Variants in TTBK2 observed in about 807,000 individuals in gnomAD.
TTBK2 encodes the protein tau tubulin kinase 2, also known as tau-tubulin kinase 2.
A neutral mutation model predicts 110.8 loss-of-function variants in TTBK2; 28 were observed. That is an observed-to-expected ratio of 0.25 (90% confidence interval 0.19 to 0.35). TTBK2 has a LOEUF of 0.35. Among genes scored for constraint, TTBK2 ranks in the 10% least tolerant of loss-of-function variants. The pLI, the probability that TTBK2 is intolerant of heterozygous loss-of-function variation, is 1.00. For missense variants in TTBK2, 1,369 were observed against 1,500.3 expected (o/e 0.91, Z 1.45); for synonymous variants, 532 against 527.3 (o/e 1.01, Z -0.12).
At chr15:42,911,961 TACACAC>T (rs10545933) in intron 1 of TTBK2, among the ~76,000 whole-genome samples, 14 of 149,742 alleles carry the variant, frequency 9.3e-5, no homozygotes, top group African/African-American at 1.7e-4. Flanking sequence ...ATGAGTTAAA[TACACAC>T]ACACACACAC....
chr15:42,773,581 A>G (rs1170466139), intron 13 of TTBK2, among the ~76,000 whole-genome samples: 3 of 152,372 alleles, frequency 2.0e-5, no homozygotes, highest in Non-Finnish European at 4.4e-5. Context: ...CCATGAGCAC[A>G]ATCTTTGTAA....
At position 42,840,441 on chromosome 15, in the gene TTBK2, A is replaced by T; in HGVS notation, c.218-8T>A. On this transcript the variant is annotated splice_polypyrimidine_tract_variant and splice_region_variant and intron_variant, in intron 3 of 14. Coordinates refer to ENST00000267890, the MANE Select transcript of TTBK2 (RefSeq NM_173500.4). ...TACAAACATGGTCTTTCCCTGGATA[A>T]AAAAAGAAAACAGTGGAAAAGAATA... 2 of 1,612,720 alleles carry T rather than the reference A, an allele frequency of 1.2e-6. No homozygotes were observed. The highest frequency in any genetic ancestry group is 1.7e-6 in the Non-Finnish European group (2 of 1,178,732).
chr15:42,857,068 A>C (rs1376119256), intron 3 of TTBK2, among the ~76,000 whole-genome samples: 5 of 152,110 alleles, frequency 3.3e-5, no homozygotes. Context: ...CTCACAAAAA[A>C]AAAAAAAAAT....
chr15:42,909,279 T>A (rs1336229740), intron 1 of TTBK2, among the ~76,000 whole-genome samples: 1 of 152,242 alleles, frequency 6.6e-6, no homozygotes, highest in Admixed American at 6.5e-5. Context: ...TAGCTGGGAA[T>A]ACAAGTGCAC....
rs2061756420 is a variant in TTBK2 at position 42,742,296 on chromosome 15, A to G, written c.*3499T>C. 6.6e-6 allele frequency: 1 copy of G among 152,260 alleles called. No individual in the cohort carries two copies. Among genetic ancestry groups the G allele is most frequent in the African/African-American group, 2.4e-5 (1 of 41,464 alleles). 9.4% of individuals were successfully genotyped at this position (152,260 alleles called of 1,614,324 possible). ...ACAACATGCAACTTAAAAAACAGTT[A>G]ATGTAACTATGCCACTGTCAGCAAG... On this transcript the variant is annotated 3_prime_UTR_variant, in exon 15 of 15. Transcript: ENST00000267890.
chr15:42,871,924 G>C (rs1894630870), intron 3 of TTBK2, among the ~76,000 whole-genome samples: 1 of 152,060 alleles, frequency 6.6e-6, no homozygotes, highest in African/African-American at 2.4e-5. Flanking sequence ...ATTTAATTTT[G>C]TTTCAGATCA....
chr15:42,814,920 G>A (rs1041720995), intron 7 of TTBK2, among the ~76,000 whole-genome samples: 2 of 152,146 alleles, frequency 1.3e-5, no homozygotes, highest in Non-Finnish European at 2.9e-5. Context: ...ACTGTTAGAG[G>A]ACACTGTGCT....
At chr15:42,885,241 C>G (rs887864511) in intron 1 of TTBK2, among the ~76,000 whole-genome samples, 1 of 152,182 alleles carries the variant, frequency 6.6e-6, no homozygotes, top group Non-Finnish European at 1.5e-5. Flanking sequence ...GTCCCCTGTC[C>G]TCACCCTCAC....
rs2061741683 is a variant in TTBK2, at chr15:42,740,199, A to G, written c.*5596T>C. On this transcript the variant is annotated 3_prime_UTR_variant, in exon 15 of 15. Transcript: ENST00000267890. ...CAGTGTACATATATTCTGTGCCCAT[A>G]CTACCACTAACGCTTCCAGCTGAAG... 1.3e-5 allele frequency: 2 copies of G among 152,214 alleles called. 1 individual carries two copies. The highest frequency in any genetic ancestry group is 4.1e-4 in the South Asian group (2 of 4,824). The allele number at this position is 152,214 out of a possible 1,614,324, so 9.4% of individuals were successfully genotyped here. A position where few individuals can be genotyped will look rare whatever the true frequency, so the allele number is the denominator to read the frequency against.
At chr15:42,883,288 G>A (rs1895116211) in intron 1 of TTBK2, among the ~76,000 whole-genome samples, 1 of 151,592 alleles carries the variant, frequency 6.6e-6, no homozygotes, top group Non-Finnish European at 1.5e-5. Flanking sequence ...GGCTGAGGCA[G>A]GAGAATTGAA....
intron 1 of TTBK2, among the ~76,000 whole-genome samples, chr15:42,911,206 C>T (rs974562114): frequency 6.6e-6 from 1 of 152,176 alleles, no homozygotes; most frequent in African/African-American, 2.4e-5. Context: ...GACATCTGGT[C>T]GATTGCAAAA....
At chr15:42,751,844 G>A in intron 14 of TTBK2, 130 bp downstream of exon 14, 1 of 1,146,574 alleles carries the variant, frequency 8.7e-7, no homozygotes, top group Non-Finnish European at 1.3e-6. Flanking sequence ...AGGCTGTAAG[G>A]CCTGGGAAAG....
intron 1 of TTBK2, among the ~76,000 whole-genome samples, chr15:42,913,227 G>C (rs896714791): frequency 2.0e-5 from 3 of 151,028 alleles, no homozygotes; most frequent in Non-Finnish European, 4.4e-5. Flanking sequence ...GGCAAAAGAA[G>C]AGAAGGTAAG....
At chr15:42,816,953 TAATAA>T (rs1892059601) in intron 7 of TTBK2, 74 bp downstream of exon 7, 3 of 693,686 alleles carry the variant, frequency 4.3e-6, no homozygotes, top group Non-Finnish European at 5.8e-6. Flanking sequence ...TATAAAATAA[TAATAA>T]AATAAAAAAG....
intron 13 of TTBK2, among the ~76,000 whole-genome samples, chr15:42,770,788 GTCT>G (rs1168635424): frequency 6.6e-6 from 1 of 152,052 alleles, no homozygotes; most frequent in Non-Finnish European, 1.5e-5. Flanking sequence ...AACCCAAAGA[GTCT>G]TCACCTTTTC....
At chr15:42,895,947 TG>T (rs1410978430) in intron 1 of TTBK2, among the ~76,000 whole-genome samples, 4 of 152,144 alleles carry the variant, frequency 2.6e-5, no homozygotes, top group African/African-American at 4.8e-5. Context: ...TCTCAGCCCC[TG>T]GAAATCACTA....
intron 1 of TTBK2, among the ~76,000 whole-genome samples, chr15:42,906,690 G>A (rs1039614798): frequency 6.6e-6 from 1 of 152,010 alleles, no homozygotes. Context: ...GGATTATATC[G>A]AACTAAAAAG....
chr15:42,911,945 T>C (rs942249241), intron 1 of TTBK2, among the ~76,000 whole-genome samples: 5 of 141,768 alleles, frequency 3.5e-5, no homozygotes, highest in Non-Finnish European at 6.0e-5. Flanking sequence ...ACACTAACGA[T>C]AGCTGATGAG....
intron 9 of TTBK2, among the ~76,000 whole-genome samples, chr15:42,799,318 G>A (rs986430508): frequency 6.6e-6 from 1 of 152,036 alleles, no homozygotes; most frequent in Middle Eastern, 3.2e-3. Flanking sequence ...TGCAGTGAGT[G>A]GAGATCATGC....
Sources: allele counts gnomAD v4.1 joint callset (sites outside exome capture counted in the v4.1 genomes callset), GRCh38; gene constraint gnomAD v4.1.1; transcripts MANE v1.5; gene names NCBI Gene and HGNC (gene_info 2026-07-23, HGNC 2026-07-21).